Variants in ADCK1 observed in about 807,000 individuals in gnomAD.
The protein encoded by ADCK1 is aarF domain containing kinase 1.
In ADCK1, 41 loss-of-function variants were observed where a neutral mutation model predicts 52.3. That is an observed-to-expected ratio of 0.78 (90% CI 0.61 to 1.02). The LOEUF (loss-of-function observed/expected upper bound fraction) is 1.02. ADCK1 is among the 50% of genes least tolerant of loss of function. The pLI is 0.00. For missense variants in ADCK1, 658 were observed against 679.5 expected, an observed-to-expected ratio of 0.97 and a Z score of 0.35; for synonymous variants, 250 against 274.6, an observed-to-expected ratio of 0.91 and a Z score of 0.89.
At chr14:77,812,612 CAG>C (rs1388092580) in intron 1 of ADCK1, among the ~76,000 whole-genome samples, 3 of 152,108 alleles carry the variant, frequency 2.0e-5, no homozygotes, top group Admixed American at 1.3e-4. Context: ...TTTTTTGAGA[CAG>C]AGTTTCATTC....
chr14:77,927,146 T>C (rs1229479764), intron 9 of ADCK1, among the ~76,000 whole-genome samples: 2 of 152,154 alleles, frequency 1.3e-5, no homozygotes, highest in African/African-American at 4.8e-5. Flanking sequence ...TAAGCTGCTT[T>C]GTGATAGGCA....
chr14:77,878,958 TG>T (rs1248003624), intron 4 of ADCK1, among the ~76,000 whole-genome samples: 1 of 152,014 alleles, frequency 6.6e-6, no homozygotes, highest in Non-Finnish European at 1.5e-5. Flanking sequence ...CTCTACTGGA[TG>T]GCTTCCCAGG....
chr14:77,859,062 C>G lies in ADCK1; in HGVS notation c.220-14C>G, dbSNP rs372253385. The stretch of plus-strand genomic sequence containing the variant: ...GCACTCACACCTCTCTGGTCCTGGC[C>G]TGTCTTCCTGCAGGTGCACCTTCGC... On this transcript the variant is annotated splice_polypyrimidine_tract_variant and intron_variant, in intron 3 of 10. Transcript: ENST00000238561. The G allele has an allele frequency of 6.3e-7, 1 of 1,587,928 alleles. No individual in the cohort carries two copies. The highest frequency in any genetic ancestry group is 8.6e-7 in the Non-Finnish European group (1 of 1,167,652).
chr14:77,817,023 CCT>C (rs2081470129), intron 1 of ADCK1, among the ~76,000 whole-genome samples: 1 of 151,772 alleles, frequency 6.6e-6, no homozygotes, highest in African/African-American at 2.4e-5. Flanking sequence ...AGGCGGATCG[CCT>C]GAGGTCAGGA....
chr14:77,829,143 A>C (rs891207174), intron 3 of ADCK1, among the ~76,000 whole-genome samples: 2 of 151,176 alleles, frequency 1.3e-5, no homozygotes, highest in Non-Finnish European at 3.0e-5. Context: ...GGAGAATGGT[A>C]TTTAGAAACC....
At chr14:77,913,225 A>G (rs1442232016) in intron 7 of ADCK1, among the ~76,000 whole-genome samples, 1 of 152,220 alleles carries the variant, frequency 6.6e-6, no homozygotes, top group Non-Finnish European at 1.5e-5. Context: ...CAGACTGTCC[A>G]GGCGGTTCAG....
At position 77,807,523 on chromosome 14, in the gene ADCK1, T is replaced by A. The variant is rs568452933; in HGVS notation, c.-12+7353T>A. Among the ~76,000 whole-genome samples the A allele has an allele frequency of 2.6e-3, 387 of 151,340 alleles. 1 individual carries two copies. The highest frequency in any genetic ancestry group is 7.9e-3 in the African/African-American group (327 of 41,222). ...CGCCCAGCTAATTTTTTTTTTTTTT[T>A]TTTGAGATGGAGTTTCGCCCTTGTT... On this transcript the variant is annotated intron_variant, in intron 1 of 10. Coordinates refer to ENST00000238561, the MANE Select transcript of ADCK1 (RefSeq NM_020421.4).
At chr14:77,848,811 T>C (rs910234536) in intron 3 of ADCK1, among the ~76,000 whole-genome samples, 5 of 149,732 alleles carry the variant, frequency 3.3e-5, no homozygotes, top group African/African-American at 1.2e-4. Flanking sequence ...TTGCCCAGGC[T>C]GAGGTGCAGT....
At chr14:77,830,110 G>A (rs1342867845) in intron 3 of ADCK1, among the ~76,000 whole-genome samples, 3 of 151,146 alleles carry the variant, frequency 2.0e-5, no homozygotes, top group Non-Finnish European at 4.4e-5. Context: ...TTTGGTGATT[G>A]AGAATGCTTA....
intron 6 of ADCK1, chr14:77,902,732 CA>C (rs2083574530): frequency 6.6e-6 from 1 of 152,150 alleles, no homozygotes; most frequent in Admixed American, 6.5e-5. Flanking sequence ...TAATTCTACC[CA>C]GGATAAAGGG....
At chr14:77,852,400 G>C (rs1176825024) in intron 3 of ADCK1, among the ~76,000 whole-genome samples, 1 of 151,312 alleles carries the variant, frequency 6.6e-6, no homozygotes, top group Non-Finnish European at 1.5e-5. Context: ...TTCTTTGCTG[G>C]GTTTAGAATT....
intron 4 of ADCK1, among the ~76,000 whole-genome samples, chr14:77,863,376 G>C (rs935996569): frequency 1.3e-5 from 2 of 152,028 alleles, no homozygotes; most frequent in African/African-American, 2.4e-5. Context: ...GGGAAGCTTG[G>C]GGATAGAGTT....
chr14:77,854,723 A>AT (rs1376345954), intron 3 of ADCK1, among the ~76,000 whole-genome samples: 3 of 151,914 alleles, frequency 2.0e-5, no homozygotes, highest in Non-Finnish European at 4.4e-5. Context: ...TGCCCAGCTA[A>AT]TTTTTTTATA....
intron 1 of ADCK1, among the ~76,000 whole-genome samples, chr14:77,817,413 C>T (rs1009208455): frequency 2.6e-5 from 4 of 152,174 alleles, no homozygotes; most frequent in Non-Finnish European, 4.4e-5. Flanking sequence ...TGCTGCTGCT[C>T]TCGTGTGGCA....
chr14:77,914,981 C>T (rs1040598110), intron 7 of ADCK1, among the ~76,000 whole-genome samples: 1 of 152,102 alleles, frequency 6.6e-6, no homozygotes, highest in Non-Finnish European at 1.5e-5. Flanking sequence ...TACCTTTCCC[C>T]TTGTCACCAC....
chr14:77,920,435 C>G (rs1216578402), intron 7 of ADCK1, among the ~76,000 whole-genome samples: 1 of 152,144 alleles, frequency 6.6e-6, no homozygotes, highest in Non-Finnish European at 1.5e-5. Flanking sequence ...TCTTGGTTCT[C>G]TATTCTGTTC....
chr14:77,895,811 GAATTATGTGCAA>G (rs1177183233), intron 5 of ADCK1, among the ~76,000 whole-genome samples: 1 of 152,154 alleles, frequency 6.6e-6, no homozygotes, highest in Admixed American at 6.5e-5. Context: ...TGAACCCCTT[GAATTATGTGCAA>G]AATTATGTAT....
At chr14:77,912,433 CGTGTGTGTGTGTGTGTGTGTGTGTGTGT>C (rs57555913) in intron 7 of ADCK1, among the ~76,000 whole-genome samples, 2,686 of 138,248 alleles carry the variant, frequency 0.019, 94 homozygotes, top group African/African-American at 0.069. Context: ...TACGGAGGAG[CGTGTGTGTGTGTGTGTGTGTGTGTGTGT>C]GTGTGTGTGT....
chr14:77,891,213 A>G (rs1324602084), intron 5 of ADCK1, among the ~76,000 whole-genome samples: 6 of 152,170 alleles, frequency 3.9e-5, no homozygotes, highest in African/African-American at 1.4e-4. Context: ...TGGAACAGCT[A>G]CTGTGTGCAG....
Sources: allele counts gnomAD v4.1 joint callset (sites outside exome capture counted in the v4.1 genomes callset), GRCh38; gene constraint gnomAD v4.1.1; transcripts MANE v1.5; gene names NCBI Gene and HGNC (gene_info 2026-07-23, HGNC 2026-07-21).